The following PPFIA2 variants were observed in gnomAD, a reference collection of about 807,000 sequenced individuals.
PPFIA2 encodes the protein liprin-alpha-2.
A neutral mutation model predicts 175.5 loss-of-function variants in PPFIA2; 46 were observed. The ratio of observed to expected loss-of-function variants is 0.26; its 90% CI spans 0.21 to 0.34. PPFIA2 has a LOEUF of 0.34. Ranked by LOEUF, PPFIA2 falls within the 10% of genes least tolerant of loss-of-function variation. PPFIA2 has a pLI of 1.00. For synonymous variants in PPFIA2, 568 were observed against 511.4 expected, an observed-to-expected ratio of 1.11 and a Z score of -1.49; for missense variants, 1,179 against 1,506.1, an observed-to-expected ratio of 0.78 and a Z score of 3.60.
intron 4 of PPFIA2, among the ~76,000 whole-genome samples, chr12:81,527,693 C>A (rs1359465945): frequency 6.6e-6 from 1 of 152,048 alleles, no homozygotes. Context: ...TTATGTTCCA[C>A]CCAAATTCGT....
At chr12:81,412,154 A>G (rs910911412) in intron 7 of PPFIA2, among the ~76,000 whole-genome samples, 1 of 151,942 alleles carries the variant, frequency 6.6e-6, no homozygotes, top group Non-Finnish European at 1.5e-5. Context: ...TTGGGCAAAA[A>G]TAACAAAGAC....
intron 5 of PPFIA2, among the ~76,000 whole-genome samples, chr12:81,449,415 T>C (rs2051974963): frequency 6.6e-6 from 1 of 151,380 alleles, no homozygotes; most frequent in Non-Finnish European, 1.5e-5. Flanking sequence ...CTAATGACCA[T>C]ACTTCTACCA....
At chr12:81,400,504 T>G (rs1474716599) in intron 8 of PPFIA2, among the ~76,000 whole-genome samples, 1 of 152,188 alleles carries the variant, frequency 6.6e-6, no homozygotes, top group African/African-American at 2.4e-5. Flanking sequence ...CCACTGATTC[T>G]TCATTTTGCT....
chr12:81,609,074 A>T (rs971699086), intron 4 of PPFIA2, among the ~76,000 whole-genome samples: 13 of 148,682 alleles, frequency 8.7e-5, no homozygotes, highest in Non-Finnish European at 1.5e-5. Context: ...TTTAATTTTC[A>T]TGTATTTGTA....
intron 4 of PPFIA2, 101 bp from the exon 5 acceptor site, chr12:81,457,967 C>T (rs1283825899): frequency 8.3e-6 from 6 of 719,998 alleles, no homozygotes; most frequent in Non-Finnish European, 1.4e-5. Context: ...GGAAAAATGA[C>T]CCCACTGACT....
chr12:81,293,208 G>T (rs917406835), intron 24 of PPFIA2, among the ~76,000 whole-genome samples: 1 of 151,784 alleles, frequency 6.6e-6, no homozygotes, highest in Non-Finnish European at 1.5e-5. Context: ...GTAATTATCA[G>T]AAATAATATA....
intron 4 of PPFIA2, among the ~76,000 whole-genome samples, chr12:81,659,485 A>C (rs2068408077): frequency 6.6e-6 from 1 of 152,178 alleles, no homozygotes; most frequent in African/African-American, 2.4e-5. Flanking sequence ...ATCAAACTGC[A>C]AAGTGGCAAT....
intron 7 of PPFIA2, among the ~76,000 whole-genome samples, chr12:81,419,166 A>T (rs2045837854): frequency 6.6e-6 from 1 of 152,066 alleles, no homozygotes; most frequent in Non-Finnish European, 1.5e-5. Flanking sequence ...TCCACCAAGT[A>T]GACAGTATAA....
At chr12:81,326,654 A>C (rs1031979516) in intron 21 of PPFIA2, among the ~76,000 whole-genome samples, 2 of 152,142 alleles carry the variant, frequency 1.3e-5, no homozygotes, top group African/African-American at 4.8e-5. Context: ...TATGATGTAC[A>C]TTAAACACAT....
intron 4 of PPFIA2, among the ~76,000 whole-genome samples, chr12:81,486,882 A>G (rs149636250): frequency 4.9e-4 from 74 of 152,038 alleles, no homozygotes; most frequent in African/African-American, 1.7e-3. Context: ...AAAGAAAAAT[A>G]TAAGATCTTA....
intron 26 of PPFIA2, 48 bp from the exon 27 acceptor site, chr12:81,281,498 T>G: frequency 7.6e-7 from 1 of 1,321,324 alleles, no homozygotes; most frequent in Non-Finnish European, 1.1e-6. Context: ...TCAGATAAGA[T>G]GGTAATTGGA....
chr12:81,701,373 A>C (rs2076457596), intron 3 of PPFIA2, among the ~76,000 whole-genome samples: 1 of 152,112 alleles, frequency 6.6e-6, no homozygotes, highest in Non-Finnish European at 1.5e-5. Flanking sequence ...AGAGAGAGTT[A>C]TGAGGGTACC....
At chr12:81,312,101 G>T in intron 22 of PPFIA2, 1 of 1,475,100 alleles carries the variant, frequency 6.8e-7, no homozygotes, top group South Asian at 1.2e-5. Flanking sequence ...TCTGAAAAAA[G>T]AAAAAAAAAG....
rs368219397 is a variant in PPFIA2, at chr12:81,715,619, G to T, written c.249+38354C>A. Among the ~76,000 whole-genome samples the T allele has an allele frequency of 2.4e-3, 359 of 151,732 alleles. 2 individuals carry two copies. Among genetic ancestry groups the T allele is most frequent in the African/African-American group, 8.4e-3 (349 of 41,482 alleles). On this transcript the variant is annotated intron_variant, in intron 3 of 32. Coordinates refer to ENST00000549396, the MANE Select transcript of PPFIA2 (RefSeq NM_003625.5). Reference sequence around the variant, plus strand: ...GAATACATTTGCTCTCAGTTTCCATGAATATAAACTTTAATGCTTGGGTGA... The same window carrying T: ...GAATACATTTGCTCTCAGTTTCCATTAATATAAACTTTAATGCTTGGGTGA...
At chr12:81,277,175 T>TG (rs994462913) in intron 28 of PPFIA2, 142 bp downstream of exon 28, 9 of 638,008 alleles carry the variant, frequency 1.4e-5, no homozygotes, top group Non-Finnish European at 1.9e-5. Context: ...TAGAAAAGAA[T>TG]GGAAAAAAAA....
At chr12:81,330,053 A>C (rs1175511645) in intron 21 of PPFIA2, among the ~76,000 whole-genome samples, 1 of 152,150 alleles carries the variant, frequency 6.6e-6, no homozygotes, top group Non-Finnish European at 1.5e-5. Flanking sequence ...AACTAGTTGG[A>C]GGTATCTATT....
chr12:81,259,761 C>T (rs1258708679), intron 32 of PPFIA2, 101 bp from the exon 33 acceptor site: 1 of 980,314 alleles, frequency 1.0e-6, no homozygotes, highest in Non-Finnish European at 1.5e-6. Context: ...CTGCTTACTC[C>T]TGTCCTAGAA....
intron 4 of PPFIA2, among the ~76,000 whole-genome samples, chr12:81,593,887 G>A (rs2058961203): frequency 6.6e-6 from 1 of 152,120 alleles, no homozygotes; most frequent in Non-Finnish European, 1.5e-5. Context: ...CCAACTGGTG[G>A]TACCTGTCCA....
chr12:81,291,732 G>C (rs776000642), intron 24 of PPFIA2, among the ~76,000 whole-genome samples: 1 of 152,050 alleles, frequency 6.6e-6, no homozygotes, highest in East Asian at 1.9e-4. Context: ...GGCTTTGGGG[G>C]CTCAGCAAAA....
Sources: gnomAD v4.1 joint callset for allele counts (sites outside exome capture counted in the v4.1 genomes callset) on GRCh38, gnomAD v4.1.1 for gene constraint, MANE v1.5 for transcripts, NCBI Gene and HGNC (gene_info 2026-07-23, HGNC 2026-07-21) for gene names.